Variants in KDM4C observed in about 807,000 individuals in gnomAD.
KDM4C encodes the protein lysine demethylase 4C, also known as lysine-specific demethylase 4C.
Under a neutral mutation model 129.3 loss-of-function variants are expected in KDM4C, and 81 were observed. The observed-to-expected ratio is 0.63, with a 90% CI of 0.52 to 0.75. The LOEUF is 0.75. Ranked by LOEUF, KDM4C falls within the 30% of genes least tolerant of loss-of-function variation. KDM4C has a pLI of 0.00. For synonymous variants in KDM4C, 573 were observed against 456.1 expected, an observed-to-expected ratio of 1.26 and a Z score of -3.26; for missense variants, 1,457 against 1,304.0, an observed-to-expected ratio of 1.12 and a Z score of -1.81.
intron 9 of KDM4C, among the ~76,000 whole-genome samples, 193 bp from the exon 10 acceptor site, chr9:6,983,973 A>T (rs1474599257): frequency 1.3e-5 from 2 of 152,154 alleles, no homozygotes; most frequent in African/African-American, 4.8e-5. Context: ...AGTTTTATTG[A>T]TTGATAAGAA....
chr9:6,929,471 C>CTTT (rs59537472), intron 8 of KDM4C, among the ~76,000 whole-genome samples: 4 of 127,524 alleles, frequency 3.1e-5, no homozygotes, highest in East Asian at 2.3e-4. Flanking sequence ...TTGACTTTTT[C>CTTT]TTTTTTTTTT....
In KDM4C at chr9:7,104,012, G is replaced by C. The variant is rs1051323757; in HGVS notation, c.2610+142G>C. ...CTAGACCGTGAGTTCCTTGAGGGCA[G>C]GGATTGCGCACTGTTATTTCCTGGT... is the stretch of plus-strand genomic sequence containing the variant. On this transcript the variant is annotated intron_variant, in intron 18 of 21. Transcript: ENST00000381309. 8.2e-6 allele frequency: 6 copies of C among 728,306 alleles called. No individual in the cohort carries two copies. The East Asian group carries it at 1.6e-4, about 20-fold the overall frequency. 45.1% of individuals were successfully genotyped at this position (728,306 alleles called of 1,614,324 possible). A position where few individuals can be genotyped will look rare whatever the true frequency, so the allele number is the denominator to read the frequency against.
intron 8 of KDM4C, among the ~76,000 whole-genome samples, chr9:6,898,295 T>C (rs1045871264): frequency 6.6e-6 from 1 of 152,228 alleles, no homozygotes; most frequent in Admixed American, 6.5e-5. Context: ...TTTACTGTAC[T>C]GATTTTCTTG....
chr9:6,937,733 A>G (rs1825080055), intron 8 of KDM4C, among the ~76,000 whole-genome samples: 1 of 152,024 alleles, frequency 6.6e-6, no homozygotes, highest in Non-Finnish European at 1.5e-5. Context: ...ATTTTTTCAG[A>G]CAGAGTCTTG....
chr9:6,735,379 G>C (rs1817495100), intron 1 of KDM4C, among the ~76,000 whole-genome samples: 1 of 152,134 alleles, frequency 6.6e-6, no homozygotes, highest in Non-Finnish European at 1.5e-5. Context: ...AAATCTCTCA[G>C]CTTTGCTTGA....
At chr9:7,086,111 TCA>T (rs1179431241) in intron 17 of KDM4C, among the ~76,000 whole-genome samples, 3 of 152,116 alleles carry the variant, frequency 2.0e-5, no homozygotes, top group Non-Finnish European at 1.5e-5. Flanking sequence ...TGAGCCGAGA[TCA>T]TGCCACTGCA....
intron 8 of KDM4C, among the ~76,000 whole-genome samples, chr9:6,924,270 T>C (rs1041095582): frequency 4.6e-5 from 7 of 152,160 alleles, no homozygotes; most frequent in Middle Eastern, 3.2e-3. Context: ...TACTGAACAG[T>C]GTTTGTGCTT....
intron 8 of KDM4C, among the ~76,000 whole-genome samples, chr9:6,949,396 A>G (rs1374273491): frequency 6.7e-6 from 1 of 149,906 alleles, no homozygotes; most frequent in Non-Finnish European, 1.5e-5. Context: ...ATCCCAGACG[A>G]TGAGTGGCCA....
chr9:7,122,037 C>G lies in KDM4C; in HGVS notation c.2611-6029C>G, dbSNP rs73403339. On this transcript the variant is annotated intron_variant, in intron 18 of 21. Transcript: ENST00000381309. Reference sequence around the variant, plus strand: ...TCTGGAGCACCTATGTTGTGTTAGTCTATTTTCGCATTGCTATGAAGAACT... The same window carrying G: ...TCTGGAGCACCTATGTTGTGTTAGTGTATTTTCGCATTGCTATGAAGAACT... Among the ~76,000 whole-genome samples, 1,219 of 152,004 alleles carry G rather than the reference C, an allele frequency of 8.0e-3. 14 individuals are homozygous for G. Among genetic ancestry groups the G allele is most frequent in the African/African-American group, 0.027 (1,139 of 41,442 alleles).
intron 1 of KDM4C, among the ~76,000 whole-genome samples, chr9:6,724,532 T>C (rs538402754): frequency 3.9e-5 from 6 of 152,118 alleles, no homozygotes; most frequent in African/African-American, 9.6e-5. Context: ...ATTATTGTTA[T>C]TATTATTATT....
intron 17 of KDM4C, among the ~76,000 whole-genome samples, chr9:7,078,249 G>A (rs1167116951): frequency 6.6e-6 from 1 of 152,110 alleles, no homozygotes; most frequent in East Asian, 1.9e-4. Flanking sequence ...TTTATAGCTT[G>A]TAAAATCAAT....
chr9:6,991,153 A>T (rs1818669485), intron 12 of KDM4C, among the ~76,000 whole-genome samples: 1 of 151,908 alleles, frequency 6.6e-6, no homozygotes, highest in African/African-American at 2.4e-5. Context: ...ATCACGGCTC[A>T]CTGCAGCCTC....
intron 3 of KDM4C, among the ~76,000 whole-genome samples, chr9:6,811,751 G>A (rs1351308962): frequency 1.3e-5 from 2 of 152,100 alleles, no homozygotes; most frequent in Admixed American, 6.5e-5. Context: ...ATTCAGCCCC[G>A]TGTCTAGGGT....
intron 12 of KDM4C, among the ~76,000 whole-genome samples, chr9:7,000,176 G>C (rs1820477333): frequency 6.6e-6 from 1 of 152,090 alleles, no homozygotes; most frequent in South Asian, 2.1e-4. Flanking sequence ...CCTTATTTCT[G>C]TCAGTAAATT....
chr9:6,943,606 T>C (rs546205521), intron 8 of KDM4C, among the ~76,000 whole-genome samples: 8 of 150,918 alleles, frequency 5.3e-5, no homozygotes, highest in African/African-American at 1.5e-4. Flanking sequence ...GCCCAGGAGG[T>C]CAAAACTGCA....
intron 8 of KDM4C, among the ~76,000 whole-genome samples, chr9:6,903,971 G>A (rs994321370): frequency 1.3e-5 from 2 of 152,250 alleles, no homozygotes; most frequent in African/African-American, 2.4e-5. Flanking sequence ...CGGGCGCGGT[G>A]GCTCACGTCT....
At chr9:6,963,852 A>T (rs1643927323) in intron 8 of KDM4C, among the ~76,000 whole-genome samples, 1 of 152,132 alleles carries the variant, frequency 6.6e-6, no homozygotes, top group South Asian at 2.1e-4. Context: ...GTTCCCTCTC[A>T]CATTTCATTT....
At chr9:6,765,853 A>G (rs759352852) in intron 1 of KDM4C, among the ~76,000 whole-genome samples, 2 of 151,354 alleles carry the variant, frequency 1.3e-5, no homozygotes, top group Middle Eastern at 6.8e-3. Flanking sequence ...CAGTGGTGTG[A>G]TCTCGGCTCA....
intron 8 of KDM4C, among the ~76,000 whole-genome samples, chr9:6,940,192 G>C (rs1457233310): frequency 6.6e-6 from 1 of 152,080 alleles, no homozygotes; most frequent in African/African-American, 2.4e-5. Flanking sequence ...CCAGGCTCAA[G>C]TGATCCTCCT....
Sources: gnomAD v4.1 joint callset for allele counts (sites outside exome capture counted in the v4.1 genomes callset) on GRCh38, gnomAD v4.1.1 for gene constraint, MANE v1.5 for transcripts, NCBI Gene and HGNC (gene_info 2026-07-23, HGNC 2026-07-21) for gene names.